Variants in PTPN13 observed in about 807,000 individuals in gnomAD.
PTPN13 encodes the protein protein tyrosine phosphatase non-receptor type 13, also known as tyrosine-protein phosphatase non-receptor type 13.
Under a neutral mutation model 284.0 loss-of-function variants are expected in PTPN13, and 191 were observed. The observed-to-expected ratio is 0.67, with a 90% CI of 0.60 to 0.76. The LOEUF (loss-of-function observed/expected upper bound fraction) is 0.76. Ranked by LOEUF, PTPN13 falls within the 30% of genes least tolerant of loss-of-function variation. The probability of loss-of-function intolerance (pLI) is 0.00; values close to 1 mark genes in which losing one functional copy is unlikely to be tolerated. For synonymous variants in PTPN13, 986 were observed against 1,022.3 expected (o/e 0.96, Z 0.68); for missense variants, 2,797 against 2,939.9 (o/e 0.95, Z 1.12).
intron 7 of PTPN13, among the ~76,000 whole-genome samples, chr4:86,709,273 C>G (rs949946810): frequency 1.3e-5 from 2 of 152,080 alleles, no homozygotes; most frequent in African/African-American, 4.8e-5. Flanking sequence ...TCTCACCTCC[C>G]CAGTTTAGGA....
At chr4:86,786,305 A>G (rs1165238775) in intron 40 of PTPN13, among the ~76,000 whole-genome samples, 1 of 152,192 alleles carries the variant, frequency 6.6e-6, no homozygotes, top group Non-Finnish European at 1.5e-5. Flanking sequence ...GCATCACCCT[A>G]TGTATACAAA....
At chr4:86,754,813 A>G (rs1445782550) in intron 20 of PTPN13, among the ~76,000 whole-genome samples, 3 of 152,082 alleles carry the variant, frequency 2.0e-5, no homozygotes, top group South Asian at 2.1e-4. Flanking sequence ...TAGTTTCTCT[A>G]TTTAAACCTT....
At chr4:86,688,499 C>T (rs529701367) in intron 4 of PTPN13, among the ~76,000 whole-genome samples, 1 of 151,922 alleles carries the variant, frequency 6.6e-6, no homozygotes, top group South Asian at 2.1e-4. Flanking sequence ...CCCTCACATT[C>T]TGGCTTGTCT....
At chr4:86,675,547 T>C (rs1284707105) in intron 3 of PTPN13, among the ~76,000 whole-genome samples, 1 of 152,190 alleles carries the variant, frequency 6.6e-6, no homozygotes, top group Non-Finnish European at 1.5e-5. Flanking sequence ...ACCAGCACTC[T>C]TGATACATGA....
At chr4:86,595,837 C>G in intron 1 of PTPN13, 2 of 820,800 alleles carry the variant, frequency 2.4e-6, no homozygotes, top group Non-Finnish European at 2.9e-6. Context: ...AGAAAGTTTA[C>G]TAAAGGATGG....
rs1252929444 is a variant in PTPN13 at position 86,734,311 on chromosome 4, T to C, written c.1867T>C (p.Tyr623His). The C allele has an allele frequency of 1.3e-6, 2 of 1,502,298 alleles. No individual in the cohort carries two copies. The highest frequency in any genetic ancestry group is 1.8e-6 in the Non-Finnish European group (2 of 1,119,796). 93.1% of individuals were successfully genotyped at this position (1,502,298 alleles called of 1,614,324 possible). ...FALATLKDNE[Y>H]FFVDPDLKLT... ...TTTCTCATTCTGTTTAGATAATGAA[T>C]ATTTCTTTGTTGATCCTGACTTAAA... Residue 623 changes from tyrosine to histidine, a missense_variant, in exon 13 of 48, where the codon TAT (tyrosine) becomes CAT (histidine). Coordinates refer to ENST00000411767, the MANE Select transcript of PTPN13 (RefSeq NM_080683.3).
intron 5 of PTPN13, among the ~76,000 whole-genome samples, chr4:86,691,614 A>G (rs887728322): frequency 7.9e-5 from 12 of 152,274 alleles, no homozygotes; most frequent in Admixed American, 6.5e-4. Context: ...GCATTATCAC[A>G]TTATTCATCA....
chr4:86,739,165 A>C (rs1735867919), intron 15 of PTPN13, among the ~76,000 whole-genome samples: 1 of 152,138 alleles, frequency 6.6e-6, no homozygotes, highest in Non-Finnish European at 1.5e-5. Flanking sequence ...GTTAAATTTC[A>C]TGTGTAGGGT....
intron 6 of PTPN13, among the ~76,000 whole-genome samples, chr4:86,698,568 C>T (rs1730808311): frequency 6.6e-6 from 1 of 151,966 alleles, no homozygotes; most frequent in Non-Finnish European, 1.5e-5. Context: ...TTGGATATCT[C>T]ATAAAGGAAG....
At chr4:86,772,274 G>C (rs1740080578) in intron 31 of PTPN13, among the ~76,000 whole-genome samples, 1 of 152,084 alleles carries the variant, frequency 6.6e-6, no homozygotes, top group African/African-American at 2.4e-5. Flanking sequence ...TAGAACCTAG[G>C]CCGGCGCGAT....
chr4:86,772,645 A>G (rs979971750), intron 31 of PTPN13, 133 bp from the exon 32 acceptor site: 5 of 679,900 alleles, frequency 7.4e-6, no homozygotes, highest in Non-Finnish European at 1.2e-5. Flanking sequence ...GTCCAGAGTC[A>G]TACAAAAAGT....
At chr4:86,773,091 T>G (rs1050602455) in intron 32 of PTPN13, 133 bp downstream of exon 32, 1 of 644,216 alleles carries the variant, frequency 1.6e-6, no homozygotes. Context: ...GGATAACATA[T>G]CTGGTATGTT....
intron 1 of PTPN13, among the ~76,000 whole-genome samples, chr4:86,633,535 A>C (rs774709935): frequency 3.3e-5 from 5 of 152,206 alleles, no homozygotes; most frequent in African/African-American, 4.8e-5. Context: ...AGGAGACATG[A>C]AAATCAGCAC....
intron 7 of PTPN13, among the ~76,000 whole-genome samples, chr4:86,709,058 TACAC>T (rs1369739350): frequency 6.6e-6 from 1 of 151,054 alleles, no homozygotes; most frequent in African/African-American, 2.4e-5. Flanking sequence ...AAGAAATACA[TACAC>T]ACACACATAC....
At chr4:86,708,601 A>G (rs1297320357) in intron 7 of PTPN13, among the ~76,000 whole-genome samples, 1 of 152,096 alleles carries the variant, frequency 6.6e-6, no homozygotes, top group Non-Finnish European at 1.5e-5. Context: ...CCACTCTCTA[A>G]GGACGGATTG....
At chr4:86,726,063 T>A (rs1734213862) in intron 10 of PTPN13, among the ~76,000 whole-genome samples, 1 of 149,834 alleles carries the variant, frequency 6.7e-6, no homozygotes, top group African/African-American at 2.4e-5. Flanking sequence ...CAGCACCATG[T>A]ATTAAATAGG....
At chr4:86,694,217 A>G (rs551975488) in intron 6 of PTPN13, among the ~76,000 whole-genome samples, 10 of 152,102 alleles carry the variant, frequency 6.6e-5, no homozygotes, top group Non-Finnish European at 1.0e-4. Context: ...TGATTTTGCT[A>G]TTTGTCAATA....
intron 1 of PTPN13, among the ~76,000 whole-genome samples, chr4:86,602,382 T>A (rs1764368401): frequency 6.6e-6 from 1 of 152,164 alleles, no homozygotes; most frequent in Non-Finnish European, 1.5e-5. Context: ...ACCAAATGAG[T>A]TAATACATGA....
intron 2 of PTPN13, among the ~76,000 whole-genome samples, chr4:86,671,820 G>A (rs914994405): frequency 6.6e-6 from 1 of 152,102 alleles, no homozygotes; most frequent in Non-Finnish European, 1.5e-5. Flanking sequence ...ATTTTCAAAG[G>A]AATTGATTTC....
Sources: allele counts gnomAD v4.1 joint callset (sites outside exome capture counted in the v4.1 genomes callset), GRCh38; gene constraint gnomAD v4.1.1; transcripts MANE v1.5; gene names NCBI Gene and HGNC (gene_info 2026-07-23, HGNC 2026-07-21).